Variants in SNTG1 observed in about 807,000 individuals in gnomAD.
SNTG1 encodes the protein gamma-1-syntrophin.
Under a neutral mutation model 74.7 loss-of-function variants are expected in SNTG1, and 39 were observed. The ratio of observed to expected loss-of-function variants is 0.52; its 90% confidence interval spans 0.40 to 0.68. SNTG1 has a LOEUF of 0.68. SNTG1 is among the 30% of genes least tolerant of loss of function. The probability of loss-of-function intolerance (pLI) is 0.00; values close to 1 mark genes in which losing one functional copy is unlikely to be tolerated. For missense variants in SNTG1, 685 were observed against 609.5 expected, an observed-to-expected ratio of 1.12 and a Z score of -1.30; for synonymous variants, 254 against 217.1, an observed-to-expected ratio of 1.17 and a Z score of -1.49.
At chr8:50,048,184 C>T (rs1410556542) in intron 1 of SNTG1, among the ~76,000 whole-genome samples, 1 of 151,886 alleles carries the variant, frequency 6.6e-6, no homozygotes. Context: ...ATTAAATCTT[C>T]TGAATTTTAG....
chr8:49,945,945 G>T (rs167629), intron 1 of SNTG1, among the ~76,000 whole-genome samples: 132,119 of 152,180 alleles, frequency 0.87, 57,533 homozygotes, highest in East Asian at 1. Context: ...AGCATCTTCT[G>T]TTTGCAAATA....
At chr8:50,219,060 C>T (rs1224582598) in intron 2 of SNTG1, among the ~76,000 whole-genome samples, 2 of 152,138 alleles carry the variant, frequency 1.3e-5, no homozygotes, top group Admixed American at 1.3e-4. Context: ...TAGGAAAGAA[C>T]TAACTATGAA....
At chr8:50,699,715 G>A (rs2095417141) in intron 15 of SNTG1, among the ~76,000 whole-genome samples, 1 of 152,030 alleles carries the variant, frequency 6.6e-6, no homozygotes, top group Non-Finnish European at 1.5e-5. Context: ...GTATTCTGGA[G>A]GCTATTCTTT....
At chr8:50,258,782 G>C (rs1424016555) in intron 2 of SNTG1, among the ~76,000 whole-genome samples, 1 of 152,182 alleles carries the variant, frequency 6.6e-6, no homozygotes, top group East Asian at 1.9e-4. Context: ...GAGTCTAAGA[G>C]AAATGTATGA....
intron 8 of SNTG1, among the ~76,000 whole-genome samples, chr8:50,460,722 C>T (rs1207558314): frequency 6.6e-6 from 1 of 152,060 alleles, no homozygotes; most frequent in Non-Finnish European, 1.5e-5. Flanking sequence ...GCTATTCTAG[C>T]ACCATTTATT....
chr8:50,092,464 G>A (rs1380856211), intron 1 of SNTG1, among the ~76,000 whole-genome samples: 22 of 152,174 alleles, frequency 1.4e-4, no homozygotes, highest in South Asian at 4.2e-4. Flanking sequence ...CTGACTGACC[G>A]GCAGGAATGA....
At chr8:50,027,301 C>G (rs963248229) in intron 1 of SNTG1, among the ~76,000 whole-genome samples, 1 of 152,142 alleles carries the variant, frequency 6.6e-6, no homozygotes, top group Non-Finnish European at 1.5e-5. Flanking sequence ...TCTGATCTCT[C>G]ATCAGCTGGT....
intron 1 of SNTG1, among the ~76,000 whole-genome samples, chr8:50,161,373 A>G (rs1335393026): frequency 6.6e-6 from 1 of 152,220 alleles, no homozygotes; most frequent in Non-Finnish European, 1.5e-5. Flanking sequence ...TTTTAGTAGA[A>G]CTTGACCCAT....
chr8:50,094,430 A>G (rs1459505670), intron 1 of SNTG1, among the ~76,000 whole-genome samples: 2 of 152,128 alleles, frequency 1.3e-5, no homozygotes, highest in African/African-American at 4.8e-5. Context: ...TGCAAGTTAT[A>G]TGTCTGACAA....
chr8:50,097,756 G>C (rs1487505032), intron 1 of SNTG1, among the ~76,000 whole-genome samples: 1 of 152,124 alleles, frequency 6.6e-6, no homozygotes, highest in Non-Finnish European at 1.5e-5. Flanking sequence ...CTCTGATTGA[G>C]AGTGAAAAAA....
chr8:50,778,049 C>T (rs535681145), intron 18 of SNTG1, among the ~76,000 whole-genome samples: 4 of 152,022 alleles, frequency 2.6e-5, no homozygotes, highest in South Asian at 2.1e-4. Context: ...TTTTTATGGC[C>T]GCATAGTATT....
intron 18 of SNTG1, among the ~76,000 whole-genome samples, chr8:50,791,962 TC>T (rs1447033390): frequency 6.6e-6 from 1 of 151,804 alleles, no homozygotes; most frequent in African/African-American, 2.4e-5. Flanking sequence ...TTTTCTGTTT[TC>T]ACTGCAATAT....
chr8:50,718,619 G>A (rs545880705), intron 17 of SNTG1, among the ~76,000 whole-genome samples: 23 of 152,162 alleles, frequency 1.5e-4, no homozygotes, highest in South Asian at 2.1e-4. Flanking sequence ...GCCCTAATGC[G>A]CAATTCTATT....
chr8:50,545,479 A>G (rs1346919466), intron 11 of SNTG1, among the ~76,000 whole-genome samples: 2 of 143,518 alleles, frequency 1.4e-5, no homozygotes, highest in Non-Finnish European at 3.0e-5. Flanking sequence ...AATATTATAT[A>G]CATGTTATAT....
At chr8:50,782,751 G>A (rs1282906443) in intron 18 of SNTG1, among the ~76,000 whole-genome samples, 2 of 152,194 alleles carry the variant, frequency 1.3e-5, no homozygotes, top group African/African-American at 2.4e-5. Flanking sequence ...CTGGTGAGGA[G>A]CTGCGTTCCT....
rs567430138 is a variant in SNTG1 at position 50,070,708 on chromosome 8, C to A, written c.-102-101853C>A. Among the ~76,000 whole-genome samples, 97 of 152,318 alleles carry A rather than the reference C, an allele frequency of 6.4e-4. 1 individual carries two copies. Among genetic ancestry groups the A allele is most frequent in the South Asian group, 2.9e-3 (14 of 4,830 alleles). ...TTCCTGGTCAGGTTCTCTATTGCTGCATAACACAGTACCCACGAAAGTGAG... is the reference window on the plus strand; with the variant it reads ...TTCCTGGTCAGGTTCTCTATTGCTGAATAACACAGTACCCACGAAAGTGAG... On this transcript the variant is annotated intron_variant, in intron 1 of 18. Coordinates refer to ENST00000642720, the MANE Select transcript of SNTG1 (RefSeq NM_018967.5).
At chr8:50,071,731 G>A (rs1331116446) in intron 1 of SNTG1, among the ~76,000 whole-genome samples, 2 of 151,382 alleles carry the variant, frequency 1.3e-5, no homozygotes, top group African/African-American at 2.4e-5. Flanking sequence ...GCCTGCCTCG[G>A]CCTCCCAAAG....
At chr8:50,778,171 A>C (rs1395846596) in intron 18 of SNTG1, among the ~76,000 whole-genome samples, 2 of 152,176 alleles carry the variant, frequency 1.3e-5, no homozygotes, top group Non-Finnish European at 2.9e-5. Context: ...ATACGTGTGC[A>C]TGTATTTTTA....
intron 1 of SNTG1, among the ~76,000 whole-genome samples, chr8:50,171,041 A>G (rs541281855): frequency 2.8e-4 from 43 of 152,172 alleles, no homozygotes; most frequent in African/African-American, 1.0e-3. Context: ...GATTTGGGAG[A>G]TGACAGCTAC....
Sources: gnomAD v4.1 joint callset for allele counts (sites outside exome capture counted in the v4.1 genomes callset) on GRCh38, gnomAD v4.1.1 for gene constraint, MANE v1.5 for transcripts, NCBI Gene and HGNC (gene_info 2026-07-23, HGNC 2026-07-21) for gene names.